Variants in VWA8 observed in about 807,000 individuals in gnomAD.
VWA8 encodes von Willebrand factor A domain containing 8, also known as von Willebrand factor A domain-containing protein 8.
A neutral mutation model predicts 241.5 loss-of-function variants in VWA8; 221 were observed. The observed-to-expected ratio is 0.91, with a 90% CI of 0.82 to 1.02. The LOEUF is 1.02. VWA8 is among the 50% of genes least tolerant of loss of function. The pLI, the probability that VWA8 is intolerant of heterozygous loss-of-function variation, is 0.00. For missense variants in VWA8, 2,322 were observed against 2,328.7 expected (o/e 1.00, Z 0.06); for synonymous variants, 852 against 827.1 (o/e 1.03, Z -0.52).
chr13:41,844,697 A>T (rs1226424358), intron 12 of VWA8, among the ~76,000 whole-genome samples: 1 of 152,124 alleles, frequency 6.6e-6, no homozygotes, highest in East Asian at 1.9e-4. Flanking sequence ...GTAACATTCA[A>T]CATTGAATGG....
At chr13:41,755,694 C>T (rs1415165339) in intron 21 of VWA8, among the ~76,000 whole-genome samples, 7 of 151,762 alleles carry the variant, frequency 4.6e-5, no homozygotes. Context: ...ATCTCTAATC[C>T]TTTAAACTTT....
intron 14 of VWA8, among the ~76,000 whole-genome samples, chr13:41,824,537 C>G (rs1871097349): frequency 6.6e-6 from 1 of 151,944 alleles, no homozygotes; most frequent in Non-Finnish European, 1.5e-5. Flanking sequence ...AAAGAATGCT[C>G]AGTATATTGG....
chr13:41,868,981 C>A (rs1164521897), intron 9 of VWA8, among the ~76,000 whole-genome samples: 1 of 146,916 alleles, frequency 6.8e-6, no homozygotes, highest in Admixed American at 6.8e-5. Context: ...ATTCTACTTA[C>A]AATAATTATT....
intron 40 of VWA8, among the ~76,000 whole-genome samples, chr13:41,600,889 G>A (rs1027977246): frequency 4.0e-5 from 6 of 151,756 alleles, no homozygotes; most frequent in African/African-American, 7.3e-5. Flanking sequence ...TTTCAATTAC[G>A]CTGGCTCAGG....
rs575787669 is a variant in VWA8 at position 41,868,213 on chromosome 13, T to C, written c.1212+133A>G. On this transcript the variant is annotated intron_variant, in intron 10 of 44. Coordinates refer to ENST00000379310, the MANE Select transcript of VWA8 (RefSeq NM_015058.2). ...ATAAGCACACATGACTCTGGAGACA[T>C]AGACATATAGATACCGACAGAAGCA... is the stretch of plus-strand genomic sequence containing the variant. 9.0e-4 allele frequency: 871 copies of C among 966,360 alleles called. 20 individuals are homozygous for C. In the South Asian group the frequency reaches 0.013, roughly 15 times the overall value. 59.9% of individuals were successfully genotyped at this position (966,360 alleles called of 1,614,324 possible).
intron 37 of VWA8, among the ~76,000 whole-genome samples, chr13:41,623,967 A>G (rs1396805802): frequency 6.6e-6 from 1 of 152,210 alleles, no homozygotes; most frequent in Non-Finnish European, 1.5e-5. Context: ...AATAAACACA[A>G]TTAGAAATGA....
chr13:41,773,935 T>C (rs2137924098), intron 20 of VWA8, among the ~76,000 whole-genome samples: 1 of 152,338 alleles, frequency 6.6e-6, no homozygotes, highest in South Asian at 2.1e-4. Context: ...AATGGGCTAC[T>C]TAACTATTTA....
At position 41,907,594 on chromosome 13, in the gene VWA8, T is replaced by A. The variant is rs1257256315; in HGVS notation, c.475A>T (p.Ile159Phe). The A allele has an allele frequency of 6.2e-7, 1 of 1,614,028 alleles. No homozygotes were observed. Among genetic ancestry groups the A allele is most frequent in the Admixed American group, 1.7e-5 (1 of 60,006 alleles). Reference sequence around the variant, plus strand: ...AGTGTGACAGAACTTGCCTGATCAATGTAAAAGGCTGTGCCTGCACGGATC... The same window carrying A: ...AGTGTGACAGAACTTGCCTGATCAAAGTAAAAGGCTGTGCCTGCACGGATC... ...REIRAGTAFY[I>F]DQCAVRAATE... Residue 159 changes from isoleucine to phenylalanine, a missense_variant, in exon 4 of 45, where the codon ATT becomes TTT. By Grantham distance (21) the Ile-to-Phe change is conservative. Coordinates refer to ENST00000379310, the MANE Select transcript of VWA8 (RefSeq NM_015058.2).
In VWA8 at chr13:41,580,825, G is replaced by T. The variant is rs186507651; in HGVS notation, c.5272-4987C>A. Among the ~76,000 whole-genome samples the T allele has an allele frequency of 5.6e-4, 85 of 152,150 alleles. 1 individual carries two copies. In the East Asian group the frequency reaches 0.011, roughly 20 times the overall value. ...TGTTTTCTCTTCTGTAAAACAAAAA[G>T]GTTGGTGAAAATAATTTCCAAGGCC... On this transcript the variant is annotated intron_variant, in intron 42 of 44. Transcript: ENST00000379310.
chr13:41,636,953 T>C (rs2044761854), intron 37 of VWA8, among the ~76,000 whole-genome samples: 1 of 151,244 alleles, frequency 6.6e-6, no homozygotes, highest in African/African-American at 2.4e-5. Context: ...AGGAACACTT[T>C]TACACTGTTG....
chr13:41,830,574 C>T lies in VWA8; in HGVS notation c.1655G>A (p.Arg552His), dbSNP rs41288297. The change falls in exon 14 of 45, where the codon CGT becomes CAT. Residue 552 changes from arginine (R) to histidine (H), a missense_variant. Coordinates refer to ENST00000379310, the MANE Select transcript of VWA8 (RefSeq NM_015058.2). ...AGACAGTTGCAGCTCCTCCTTTAAA[C>T]GCATATACCTGTCTTCTCTCAGCAG... ...SRLLREDRYM[R>H]LKEELQLSDE... 76,480 of 1,613,484 alleles carry T rather than the reference C, an allele frequency of 0.047. 2,075 individuals are homozygous for T. The highest frequency in any genetic ancestry group is 0.087 in the African/African-American group (6,534 of 74,944).
intron 2 of VWA8, among the ~76,000 whole-genome samples, chr13:41,933,789 T>C (rs554176578): frequency 2.0e-5 from 3 of 152,014 alleles, no homozygotes; most frequent in East Asian, 3.9e-4. Context: ...CCATACCCTA[T>C]GCCACATACA....
chr13:41,658,706 C>T (rs953164919), intron 37 of VWA8, among the ~76,000 whole-genome samples: 1 of 152,220 alleles, frequency 6.6e-6, no homozygotes, highest in African/African-American at 2.4e-5. Context: ...ACTCGGACTT[C>T]CTTCCCAGAC....
chr13:41,721,472 C>T lies in VWA8; in HGVS notation c.2862G>A (p.Lys954=). The T allele has an allele frequency of 6.2e-7, 1 of 1,613,928 alleles. No homozygotes were observed. ...TCAGCTCTCCAAAGGCAGCCACAAG[C>T]TTCTGAAGGATGGGCTCAGGCACAT... is the stretch of plus-strand genomic sequence containing the variant. ...GPNVPEPILQ[K]LVAAFGELRS... Residue 954 remains lysine (K), a synonymous_variant, in exon 25 of 45, where the codon AAG becomes AAA. Transcript: ENST00000379310.
intron 18 of VWA8, among the ~76,000 whole-genome samples, chr13:41,784,697 CATATATATATATATATATAT>C (rs59582293): frequency 2.3e-4 from 13 of 57,036 alleles, no homozygotes; most frequent in Non-Finnish European, 4.0e-4. Flanking sequence ...TATACATATA[CATATATATATATATATATAT>C]ATATATATAT....
At chr13:41,723,778 T>C (rs1386656982) in intron 24 of VWA8, among the ~76,000 whole-genome samples, 3 of 139,182 alleles carry the variant, frequency 2.2e-5, no homozygotes, top group Non-Finnish European at 3.3e-5. Context: ...ACAGGAGCTA[T>C]TGAACTGGAA....
intron 19 of VWA8, among the ~76,000 whole-genome samples, chr13:41,780,188 T>A (rs1282790122): frequency 1.3e-5 from 2 of 152,138 alleles, no homozygotes; most frequent in Admixed American, 1.3e-4. Flanking sequence ...CAGAGTTGGA[T>A]ACCCACATGT....
intron 9 of VWA8, among the ~76,000 whole-genome samples, chr13:41,881,568 G>A (rs1874193327): frequency 6.7e-6 from 1 of 149,462 alleles, no homozygotes; most frequent in East Asian, 2.0e-4. Context: ...CGTTCTCAAT[G>A]AGCTGTTGGG....
At chr13:41,778,141 T>A in intron 19 of VWA8, 85 bp from the exon 20 acceptor site, 1 of 836,898 alleles carries the variant, frequency 1.2e-6, no homozygotes, top group Non-Finnish European at 1.7e-6. Flanking sequence ...CTTTATAGAA[T>A]ATAAATATCT....
Sources: allele counts gnomAD v4.1 joint callset (sites outside exome capture counted in the v4.1 genomes callset), GRCh38; gene constraint gnomAD v4.1.1; transcripts MANE v1.5; gene names NCBI Gene and HGNC (gene_info 2026-07-23, HGNC 2026-07-21).